BMP2K: variants seen among roughly 807,000 people sequenced by gnomAD.
BMP2K encodes BMP2 inducible kinase.
BMP2K carries 74 observed loss-of-function variants against 116.0 expected under a neutral mutation model. The ratio of observed to expected loss-of-function variants is 0.64; its 90% CI spans 0.53 to 0.77. BMP2K has a LOEUF of 0.77. Among genes scored for constraint, BMP2K ranks in the 30% least tolerant of loss-of-function variants. BMP2K has a pLI of 0.00. For missense variants in BMP2K, 1,365 were observed against 1,403.6 expected, an observed-to-expected ratio of 0.97 and a Z score of 0.44; for synonymous variants, 486 against 502.5, an observed-to-expected ratio of 0.97 and a Z score of 0.44.
At chr4:78,884,711 G>T (rs945639297) in intron 14 of BMP2K, among the ~76,000 whole-genome samples, 3 of 152,082 alleles carry the variant, frequency 2.0e-5, no homozygotes, top group African/African-American at 7.2e-5. Flanking sequence ...CTGATACAAG[G>T]CATAATTACT....
chr4:78,804,042 T>C (rs1330783999), intron 1 of BMP2K, among the ~76,000 whole-genome samples: 1 of 152,208 alleles, frequency 6.6e-6, no homozygotes, highest in East Asian at 1.9e-4. Context: ...TACTTTGTTG[T>C]GAAACACCAC....
intron 1 of BMP2K, among the ~76,000 whole-genome samples, chr4:78,801,344 CTGTGTG>C (rs112302359): frequency 0.027 from 3,863 of 143,256 alleles, 121 homozygotes; most frequent in African/African-American, 0.072. Context: ...GTTGAAGTAG[CTGTGTG>C]TGTGTGTGTG....
At chr4:78,884,270 T>A (rs1732981042) in intron 14 of BMP2K, among the ~76,000 whole-genome samples, 1 of 152,176 alleles carries the variant, frequency 6.6e-6, no homozygotes, top group South Asian at 2.1e-4. Flanking sequence ...GAGGCCACAG[T>A]GAGCCATGAT....
In BMP2K at chr4:78,910,693, C is replaced by G; in HGVS notation, c.2146C>G (p.Pro716Ala). 1 of 1,611,086 alleles carries G rather than the reference C, an allele frequency of 6.2e-7. No homozygotes were observed. The highest frequency in any genetic ancestry group is 2.2e-5 in the East Asian group (1 of 44,850). Reference sequence around the variant, plus strand: ...CCCTATCAAGAACGGTAAAACAAGTCCAGCATCTAAAGATCAGCGGACTGG... The same window carrying G: ...CCCTATCAAGAACGGTAAAACAAGTGCAGCATCTAAAGATCAGCGGACTGG... ...ANPIKNGKTS[P>A]ASKDQRTGKK... is the part of the protein sequence containing the mutation. The change falls in exon 16 of 16, where the codon CCA becomes GCA. Residue 716 changes from proline to alanine, a missense_variant. By Grantham distance (27) the Pro-to-Ala change is conservative. Coordinates refer to ENST00000502613, the MANE Select transcript of BMP2K (RefSeq NM_198892.2).
intron 1 of BMP2K, among the ~76,000 whole-genome samples, chr4:78,806,006 T>G (rs900602093): frequency 6.6e-6 from 1 of 151,978 alleles, no homozygotes; most frequent in Non-Finnish European, 1.5e-5. Context: ...GCTTTAAATT[T>G]TTTTTTTCAT....
chr4:78,793,426 T>C (rs1266659206), intron 1 of BMP2K, among the ~76,000 whole-genome samples: 1 of 143,804 alleles, frequency 7.0e-6, no homozygotes, highest in African/African-American at 2.7e-5. Context: ...AAAAAAAAAA[T>C]TAAAAAAAAA....
chr4:78,805,598 TTTA>T (rs1728777614), intron 1 of BMP2K, among the ~76,000 whole-genome samples: 1 of 152,198 alleles, frequency 6.6e-6, no homozygotes, highest in South Asian at 2.1e-4. Context: ...TACTAAATAT[TTTA>T]TTATTTCTGA....
intron 15 of BMP2K, among the ~76,000 whole-genome samples, chr4:78,910,097 A>G (rs566329063): frequency 6.6e-6 from 1 of 152,330 alleles, no homozygotes; most frequent in Admixed American, 6.5e-5. Flanking sequence ...TGCTAAGTCA[A>G]TTCAAAAGAT....
intron 7 of BMP2K, among the ~76,000 whole-genome samples, chr4:78,854,943 C>T (rs960835655): frequency 6.6e-6 from 1 of 151,924 alleles, no homozygotes; most frequent in Admixed American, 6.6e-5. Context: ...AAAATAGCTA[C>T]TTAAAAGTAC....
At chr4:78,806,589 A>G (rs1217569100) in intron 1 of BMP2K, among the ~76,000 whole-genome samples, 1 of 152,168 alleles carries the variant, frequency 6.6e-6, no homozygotes, top group African/African-American at 2.4e-5. Context: ...CTTCTCCACA[A>G]TATTGAATAG....
At chr4:78,842,560 A>G (rs755836554) in intron 4 of BMP2K, 33 bp downstream of exon 4, 3 of 1,510,356 alleles carry the variant, frequency 2.0e-6, no homozygotes, top group Non-Finnish European at 2.7e-6. Flanking sequence ...GGATTAAGTA[A>G]TAAGTTGGAG....
rs557374722 is a variant in BMP2K at position 78,866,244 on chromosome 4, A to T, written c.1231+524A>T. Among the ~76,000 whole-genome samples the T allele has an allele frequency of 2.6e-3, 392 of 152,240 alleles. 1 individual carries two copies. Among genetic ancestry groups the T allele is most frequent in the Non-Finnish European group, 4.4e-3 (301 of 68,014 alleles). ...TGGTACAGTGTGGTACTTAAAAAAA[A>T]TTTTTCCCCCCAAAGAAATGTCCGT... is the stretch of plus-strand genomic sequence containing the variant. On this transcript the variant is annotated intron_variant, in intron 10 of 15. Coordinates refer to ENST00000502613, the MANE Select transcript of BMP2K (RefSeq NM_198892.2).
Position 78,833,524 on chromosome 4 carries a change from C to CTATGGTATACTATGGTATACTATGGTA in BMP2K, c.298-56_298-55insTGGTATACTATGGTATACTATGGTATA, listed in dbSNP as rs1730310531. On this transcript the variant is annotated intron_variant, in intron 2 of 15. Transcript: ENST00000502613. Reference sequence around the variant, plus strand: ...CATTAATTTAGGCTTCAAACCATTACTAATTCTATACCTTTAAATGTACAT... The same window carrying CTATGGTATACTATGGTATACTATGGTA: ...CATTAATTTAGGCTTCAAACCATTACTATGGTATACTATGGTATACTATGGTATAATTCTATACCTTTAAATGTACAT... 1.1e-5 allele frequency: 13 copies of CTATGGTATACTATGGTATACTATGGTA among 1,165,044 alleles called. No individual in the cohort carries two copies. In the South Asian group the frequency reaches 1.7e-4, roughly 15 times the overall value. The allele number at this position is 1,165,044 out of a possible 1,614,324, so 72.2% of individuals were successfully genotyped here.
chr4:78,780,975 G>A (rs986873478), intron 1 of BMP2K, among the ~76,000 whole-genome samples: 4 of 152,192 alleles, frequency 2.6e-5, no homozygotes, highest in Admixed American at 6.5e-5. Flanking sequence ...AAACAGAGGT[G>A]TGAGGTTGGG....
chr4:78,889,738 A>ATG (rs1366698756), intron 15 of BMP2K, among the ~76,000 whole-genome samples: 1 of 152,244 alleles, frequency 6.6e-6, no homozygotes. Flanking sequence ...TCCCAGGTGT[A>ATG]TGTGTGTATA....
chr4:78,818,915 G>C (rs529055065), intron 1 of BMP2K, among the ~76,000 whole-genome samples: 1 of 151,096 alleles, frequency 6.6e-6, no homozygotes, highest in African/African-American at 2.4e-5. Context: ...TTGTGCTTCC[G>C]CCTCCTGAGT....
intron 15 of BMP2K, among the ~76,000 whole-genome samples, chr4:78,891,290 C>G (rs993216916): frequency 3.9e-5 from 6 of 151,968 alleles, no homozygotes; most frequent in African/African-American, 1.5e-4. Flanking sequence ...ATTCCTGCTC[C>G]TCTTTCTCTT....
chr4:78,812,156 CAG>C (rs371804615), intron 1 of BMP2K, among the ~76,000 whole-genome samples: 19 of 152,074 alleles, frequency 1.2e-4, no homozygotes, highest in African/African-American at 2.7e-4. Context: ...TTAGTAGAGA[CAG>C]AGTTTCACCA....
intron 13 of BMP2K, 86 bp downstream of exon 13, chr4:78,872,884 T>TTCTAAAC: frequency 7.3e-7 from 1 of 1,378,166 alleles, no homozygotes; most frequent in Non-Finnish European, 1.0e-6. Context: ...TTCTCTTAAA[T>TTCTAAAC]TAGTTTAGAA....
Sources: gnomAD v4.1 joint callset for allele counts (sites outside exome capture counted in the v4.1 genomes callset) on GRCh38, gnomAD v4.1.1 for gene constraint, MANE v1.5 for transcripts, NCBI Gene and HGNC (gene_info 2026-07-23, HGNC 2026-07-21) for gene names.